The following ADGRV1 variants were observed in gnomAD, a reference collection of about 807,000 sequenced individuals.
The protein encoded by ADGRV1 is G-protein coupled receptor 98.
A neutral mutation model predicts 596.2 loss-of-function variants in ADGRV1; 359 were observed. The observed-to-expected ratio is 0.60, with a 90% confidence interval of 0.55 to 0.66. The LOEUF (loss-of-function observed/expected upper bound fraction) is 0.66, where lower values mean the gene tolerates loss of function less well. ADGRV1 is among the 30% of genes least tolerant of loss of function. The pLI is 0.00. For synonymous variants in ADGRV1, 2,681 were observed against 2,679.2 expected (o/e 1.00, Z -0.02); for missense variants, 7,274 against 7,575.6 (o/e 0.96, Z 1.48).
intron 83 of ADGRV1, among the ~76,000 whole-genome samples, chr5:90,883,320 T>C (rs1769972524): frequency 6.6e-6 from 1 of 152,130 alleles, no homozygotes; most frequent in African/African-American, 2.4e-5. Flanking sequence ...TCGAAGAGGA[T>C]TTTTATGCTG....
intron 32 of ADGRV1, 35 bp from the exon 33 acceptor site, chr5:90,693,855 T>G (rs1435416456): frequency 6.8e-7 from 1 of 1,462,520 alleles, no homozygotes; most frequent in African/African-American, 1.4e-5. Flanking sequence ...CTTTGAGTGC[T>G]TAACCTGTCT....
At chr5:90,664,862 T>C (rs985832399) in intron 21 of ADGRV1, among the ~76,000 whole-genome samples, 1 of 150,104 alleles carries the variant, frequency 6.7e-6, no homozygotes, top group African/African-American at 2.5e-5. Flanking sequence ...TCTGTATCTA[T>C]TGAGATAATC....
intron 59 of ADGRV1, among the ~76,000 whole-genome samples, chr5:90,765,736 A>AG (rs1440425499): frequency 6.6e-6 from 1 of 151,626 alleles, no homozygotes; most frequent in Non-Finnish European, 1.5e-5. Flanking sequence ...AAGGGGTCTT[A>AG]TTCTGTCACC....
chr5:90,889,589 G>A (rs1480719614), intron 83 of ADGRV1, among the ~76,000 whole-genome samples: 1 of 151,938 alleles, frequency 6.6e-6, no homozygotes, highest in Non-Finnish European at 1.5e-5. Context: ...TAAAAACTAT[G>A]CAATTTTATT....
intron 1 of ADGRV1, among the ~76,000 whole-genome samples, chr5:90,591,734 A>C (rs1759533108): frequency 2.0e-5 from 3 of 152,200 alleles, no homozygotes; most frequent in East Asian, 1.9e-4. Flanking sequence ...TTGTTGAAAC[A>C]TTCTTTTAGT....
chr5:90,927,864 A>T (rs1346780869), intron 83 of ADGRV1, among the ~76,000 whole-genome samples: 1 of 151,836 alleles, frequency 6.6e-6, no homozygotes, highest in African/African-American at 2.4e-5. Flanking sequence ...TTTTCTGTAA[A>T]GTATTTTATT....
chr5:90,644,841 AT>A lies in ADGRV1; in HGVS notation c.2871del (p.Asn957LysfsTer23). ...TTTGGAGATCAGGAATTTTCAAAAA[AT>A]ATCACCATTTACTCCCTTCCAGATG... ...VVFGDQEFSK[N>X]ITIYSLPDEI... is the part of the protein sequence containing the mutation. On this transcript the variant is annotated frameshift_variant, in exon 15 of 90. Transcript: ENST00000405460. LOFTEE classifies it high-confidence loss of function. 6.2e-7 allele frequency: 1 copy of A among 1,607,494 alleles called. No individual in the cohort carries two copies. Among genetic ancestry groups the A allele is most frequent in the Non-Finnish European group, 8.5e-7 (1 of 1,177,614 alleles).
intron 70 of ADGRV1, among the ~76,000 whole-genome samples, chr5:90,794,980 A>G (rs1760513668): frequency 6.6e-6 from 1 of 151,768 alleles, no homozygotes; most frequent in Non-Finnish European, 1.5e-5. Flanking sequence ...AGTCATCACA[A>G]CCTACACAGA....
rs534460387 is a variant in ADGRV1, at chr5:90,615,088, T to C, written c.207+69T>C. 87 of 889,110 alleles carry C rather than the reference T, an allele frequency of 9.8e-5. No homozygotes were observed. In the South Asian group the frequency reaches 2.2e-3, roughly 23 times the overall value. The allele number at this position is 889,110 out of a possible 1,614,324, so 55.1% of individuals were successfully genotyped here. ...CGTTTCTTAGTTTTAATGGCAAGGA[T>C]TTTTTTTTTCTGTTTGAGATTTTGA... On this transcript the variant is annotated intron_variant, in intron 2 of 89. Transcript: ENST00000405460.
chr5:90,823,274 A>G (rs1338726056), intron 75 of ADGRV1, 151 bp from the exon 76 acceptor site: 4 of 757,238 alleles, frequency 5.3e-6, no homozygotes, highest in East Asian at 5.5e-5. Context: ...CATTTTCTGC[A>G]TCATCAGTGG....
chr5:90,741,547 A>T (rs1278207449), intron 50 of ADGRV1, among the ~76,000 whole-genome samples: 1 of 152,176 alleles, frequency 6.6e-6, no homozygotes, highest in African/African-American at 2.4e-5. Context: ...TATTATTCAA[A>T]ATAGTTGCCT....
chr5:91,075,979 T>C (rs1788824545), intron 86 of ADGRV1, among the ~76,000 whole-genome samples: 1 of 152,184 alleles, frequency 6.6e-6, no homozygotes, highest in Non-Finnish European at 1.5e-5. Context: ...AATCTTTACT[T>C]TGAGCTCCTC....
At chr5:91,117,171 T>C (rs1792920182) in intron 87 of ADGRV1, among the ~76,000 whole-genome samples, 1 of 152,186 alleles carries the variant, frequency 6.6e-6, no homozygotes, top group Non-Finnish European at 1.5e-5. Flanking sequence ...CACAATTGAT[T>C]ATCAAATTTT....
chr5:91,118,454 T>A (rs2126731955), intron 87 of ADGRV1, among the ~76,000 whole-genome samples: 1 of 152,242 alleles, frequency 6.6e-6, no homozygotes, highest in South Asian at 2.1e-4. Flanking sequence ...TTGCATTCTA[T>A]CTATAAAGAC....
intron 87 of ADGRV1, among the ~76,000 whole-genome samples, chr5:91,116,469 C>T (rs979654398): frequency 1.3e-5 from 2 of 152,176 alleles, no homozygotes; most frequent in African/African-American, 4.8e-5. Flanking sequence ...TCTCTTGTCC[C>T]TAATATGATA....
At chr5:90,573,121 C>CAT (rs67876716) in intron 1 of ADGRV1, among the ~76,000 whole-genome samples, 8 of 42,992 alleles carry the variant, frequency 1.9e-4, no homozygotes, top group Admixed American at 1.2e-3. Context: ...CTTTCCAATT[C>CAT]AGTTTTTCCC....
At chr5:90,850,780 A>G (rs1045475207) in intron 79 of ADGRV1, 1 of 152,174 alleles carries the variant, frequency 6.6e-6, no homozygotes, top group South Asian at 2.1e-4. Context: ...TCAAGGGCCC[A>G]GTGAAAACTC....
At chr5:91,026,552 T>C (rs768838092) in intron 85 of ADGRV1, among the ~76,000 whole-genome samples, 4 of 152,136 alleles carry the variant, frequency 2.6e-5, no homozygotes, top group Non-Finnish European at 5.9e-5. Context: ...TTTGGATTGG[T>C]ACCTCCTTGG....
intron 87 of ADGRV1, among the ~76,000 whole-genome samples, chr5:91,118,876 T>C (rs150699411): frequency 2.0e-5 from 3 of 152,148 alleles, no homozygotes; most frequent in African/African-American, 7.2e-5. Flanking sequence ...TGTGAACTCA[T>C]AGGGGATTCT....
Sources: allele counts gnomAD v4.1 joint callset (sites outside exome capture counted in the v4.1 genomes callset), GRCh38; gene constraint gnomAD v4.1.1; transcripts MANE v1.5; gene names NCBI Gene and HGNC (gene_info 2026-07-23, HGNC 2026-07-21).